The following ZNF462 variants were observed in gnomAD, a reference collection of about 807,000 sequenced individuals.
ZNF462 encodes the protein zinc finger protein 462.
Under a neutral mutation model 201.9 loss-of-function variants are expected in ZNF462, and 10 were observed. The observed-to-expected ratio is 0.05, with a 90% CI of 0.03 to 0.08. The LOEUF is 0.08. Ranked by LOEUF, ZNF462 falls within the 10% of genes least tolerant of loss-of-function variation. The pLI is 1.00. For missense variants in ZNF462, 2,523 were observed against 3,168.3 expected, an observed-to-expected ratio of 0.80 and a Z score of 4.89; for synonymous variants, 1,227 against 1,193.3, an observed-to-expected ratio of 1.03 and a Z score of -0.58.
At chr9:106,965,222 C>T (rs139974503) in intron 7 of ZNF462, among the ~76,000 whole-genome samples, 20 of 152,124 alleles carry the variant, frequency 1.3e-4, no homozygotes, top group African/African-American at 4.3e-4. Flanking sequence ...ATTAAGGATC[C>T]CCAAGGATGC....
Position 106,928,500 on chromosome 9 carries a change from G to A in ZNF462, c.4588G>A (p.Val1530Ile), listed in dbSNP as rs762506887. Residue 1530 changes from valine to isoleucine, a missense_variant, in exon 3 of 13, where the codon GTA becomes ATA. Val to Ile is a conservative substitution (Grantham distance 29). Around this residue, in one of 15 missense-constraint regions of ZNF462, gnomAD observed 200 missense variants for 281.3 expected, o/e 0.71. Coordinates refer to ENST00000277225, the MANE Select transcript of ZNF462 (RefSeq NM_021224.6). The surrounding 1 kb of genome is among the most constrained non-coding windows in gnomAD (Gnocchi z 9.3). Reference protein sequence around the residue: ...CPYINTRIHGVLTHYQKRHPS... With the variant: ...CPYINTRIHGILTHYQKRHPS... Reference sequence around the variant, plus strand: ...ATACATCAACACCCGCATCCACGGCGTACTGACCCACTACCAGAAGCGACA... The same window carrying A: ...ATACATCAACACCCGCATCCACGGCATACTGACCCACTACCAGAAGCGACA... 1 of 1,614,022 alleles carries A rather than the reference G, an allele frequency of 6.2e-7. No individual in the cohort carries two copies. Among genetic ancestry groups the A allele is most frequent in the Non-Finnish European group, 8.5e-7 (1 of 1,180,022 alleles).
chr9:106,927,415 G>A lies in ZNF462; in HGVS notation c.3503G>A (p.Arg1168Gln), dbSNP rs148363677. The change falls in exon 3 of 13, where the codon CGG becomes CAG. Residue 1168 changes from arginine to glutamine, a missense_variant. Around this residue, in one of 15 missense-constraint regions of ZNF462, gnomAD observed 222 missense variants for 271.6 expected, o/e 0.82. Transcript: ENST00000277225. ...GTCGAAGGGCCCCAAGGCTCCCCCC[G>A]GCCACCCGCCCCCATACAACAGCTG... ...RGVEGPQGSPRPPAPIQQLNR... is the reference protein window; with the variant it reads ...RGVEGPQGSPQPPAPIQQLNR... 1.1e-4 allele frequency: 154 copies of A among 1,354,836 alleles called. No homozygotes were observed. The African/African-American group carries it at 1.5e-3, about 13-fold the overall frequency. The allele number at this position is 1,354,836 out of a possible 1,614,324, so 83.9% of individuals were successfully genotyped here. A position where few individuals can be genotyped will look rare whatever the true frequency, so the allele number is the denominator to read the frequency against.
At position 106,885,107 on chromosome 9, in the gene ZNF462, T is replaced by C. The variant is rs2130979687; in HGVS notation, c.-31+21752T>C. Among the ~76,000 whole-genome samples the C allele has an allele frequency of 6.6e-6, 1 of 152,328 alleles. No individual in the cohort carries two copies. The highest frequency in any genetic ancestry group is 3.4e-3 in the Middle Eastern group (1 of 294). On this transcript the variant is annotated intron_variant, in intron 1 of 12. Transcript: ENST00000277225. The surrounding 1 kb of genome is among the most constrained non-coding windows in gnomAD (Gnocchi z 4.1). The stretch of plus-strand genomic sequence containing the variant: ...CTCAATAAAAAGGAAAATGGCCCTG[T>C]TGCAAAATTTGGCAGGTCAGACACT...
chr9:106,885,063 G>C lies in ZNF462; in HGVS notation c.-31+21708G>C, dbSNP rs1828261072. Among the ~76,000 whole-genome samples, 1 of 152,194 alleles carries C rather than the reference G, an allele frequency of 6.6e-6. No individual in the cohort carries two copies. Among genetic ancestry groups the C allele is most frequent in the South Asian group, 2.1e-4 (1 of 4,828 alleles). On this transcript the variant is annotated intron_variant, in intron 1 of 12. Coordinates refer to ENST00000277225, the MANE Select transcript of ZNF462 (RefSeq NM_021224.6). The surrounding 1 kb of genome is among the most constrained non-coding windows in gnomAD (Gnocchi z 4.1). ...GTATGTGTTCAACATAACCTTTCTA[G>C]AGAGATTTCTGCTTTAATCTCAATA...
chr9:106,875,563 T>C (rs59644801), intron 1 of ZNF462, among the ~76,000 whole-genome samples: 4,099 of 152,320 alleles, frequency 0.027, 185 homozygotes, highest in African/African-American at 0.092. Flanking sequence ...TAACTTTATA[T>C]CACCCCTTCC....
intron 1 of ZNF462, among the ~76,000 whole-genome samples, chr9:106,910,355 T>TTA (rs1322638519): frequency 3.4e-5 from 5 of 148,274 alleles, no homozygotes; most frequent in African/African-American, 1.3e-4. Context: ...CTCCACCCCT[T>TTA]GTTTTAGTTT....
intron 1 of ZNF462, among the ~76,000 whole-genome samples, chr9:106,912,988 G>T (rs984377133): frequency 2.6e-5 from 4 of 152,194 alleles, no homozygotes; most frequent in Non-Finnish European, 5.9e-5. Flanking sequence ...AATAAAAAAG[G>T]CTTTGTGGAG....
intron 1 of ZNF462, among the ~76,000 whole-genome samples, chr9:106,916,432 C>G (rs1456357086): frequency 6.6e-6 from 1 of 152,222 alleles, no homozygotes; most frequent in Non-Finnish European, 1.5e-5. Flanking sequence ...ATATCTGCAA[C>G]TTCCCTTTAA....
At position 106,963,804 on chromosome 9, in the gene ZNF462, AC is replaced by A. The variant is rs1468212715; in HGVS notation, c.6428-8200del. Among the ~76,000 whole-genome samples, 1 of 151,986 alleles carries A rather than the reference AC, an allele frequency of 6.6e-6. No individual in the cohort carries two copies. The highest frequency in any genetic ancestry group is 6.6e-5 in the Admixed American group (1 of 15,240). ...GATCTCTAGAACTCTTTCATCTTAC[AC>A]GACTGAAACTCTATATCCATAGAAC... is the stretch of plus-strand genomic sequence containing the variant. On this transcript the variant is annotated intron_variant, in intron 7 of 12. Coordinates refer to ENST00000277225, the MANE Select transcript of ZNF462 (RefSeq NM_021224.6). This position sits in a 1 kb window ranked among gnomAD's most constrained non-coding sequence, Gnocchi z 4.7.
chr9:106,969,399 G>T (rs563113923), intron 7 of ZNF462, among the ~76,000 whole-genome samples: 1 of 152,130 alleles, frequency 6.6e-6, no homozygotes, highest in Non-Finnish European at 1.5e-5. Flanking sequence ...TATAGAATTT[G>T]TTTTTTGAGA....
intron 1 of ZNF462, among the ~76,000 whole-genome samples, chr9:106,911,299 G>A (rs556313184): frequency 2.4e-4 from 37 of 152,266 alleles, no homozygotes; most frequent in South Asian, 1.0e-3. Flanking sequence ...GCTCTTCAAG[G>A]ACTGTGTAGC....
chr9:106,866,136 C>G (rs920125366), intron 1 of ZNF462, among the ~76,000 whole-genome samples: 1 of 152,124 alleles, frequency 6.6e-6, no homozygotes, highest in Non-Finnish European at 1.5e-5. Flanking sequence ...ACCTTGCTTT[C>G]AACTAAGAAG....
chr9:107,002,568 G>C (rs1394479808), intron 10 of ZNF462, among the ~76,000 whole-genome samples: 2 of 150,364 alleles, frequency 1.3e-5, no homozygotes, highest in African/African-American at 4.9e-5. Context: ...ATGATACTTT[G>C]AAGAAAGCTT....
rs4743042 is a variant in ZNF462 at position 106,991,000 on chromosome 9, G to A, written c.7056+6591G>A. Among the ~76,000 whole-genome samples the A allele has an allele frequency of 2.6e-5, 4 of 151,854 alleles. No individual in the cohort carries two copies. In the South Asian group the frequency reaches 8.3e-4, roughly 32 times the overall value. The stretch of plus-strand genomic sequence containing the variant: ...TCAGGGTTCATGAGAGAGGAATAGG[G>A]GTATCAGTGTACAATGTACTGAACA... On this transcript the variant is annotated intron_variant, in intron 10 of 12. Transcript: ENST00000277225.
At chr9:106,888,840 T>G (rs1828444701) in intron 1 of ZNF462, among the ~76,000 whole-genome samples, 1 of 152,240 alleles carries the variant, frequency 6.6e-6, no homozygotes, top group South Asian at 2.1e-4. Flanking sequence ...TGCCACCATT[T>G]ATAGAATCAT....
At chr9:106,862,981 C>G (rs1827120295), upstream of ZNF462, 2 of 396,520 alleles carry the variant, frequency 5.0e-6, no homozygotes, top group Non-Finnish European at 8.9e-6. The surrounding 1 kb of genome is among the most constrained non-coding windows in gnomAD (Gnocchi z 4.2). Flanking sequence ...TTCTCTCTCC[C>G]CCTGGTTGCT....
At position 106,885,753 on chromosome 9, in the gene ZNF462, C is replaced by T. The variant is rs574205773; in HGVS notation, c.-31+22398C>T. 9.2e-5 allele frequency among the ~76,000 whole-genome samples: 14 copies of T among 152,298 alleles called. No individual in the cohort carries two copies. Among genetic ancestry groups the T allele is most frequent in the Non-Finnish European group, 1.8e-4 (12 of 68,016 alleles). On this transcript the variant is annotated intron_variant, in intron 1 of 12. Transcript: ENST00000277225. This position sits in a 1 kb window ranked among gnomAD's most constrained non-coding sequence, Gnocchi z 4.1. ...TGCAGAGCTCATGCTACCATCAAGA[C>T]TTTAGAACAAGGACAACTTGAAGTG...
chr9:106,861,308 C>A (rs1429920272), upstream of ZNF462, among the ~76,000 whole-genome samples: 1 of 152,078 alleles, frequency 6.6e-6, no homozygotes, highest in Non-Finnish European at 1.5e-5. Flanking sequence ...GAACCAACTC[C>A]GCGCGCGTCT....
At chr9:106,909,520 T>G (rs1829452612) in intron 1 of ZNF462, among the ~76,000 whole-genome samples, 1 of 152,204 alleles carries the variant, frequency 6.6e-6, no homozygotes, top group Admixed American at 6.5e-5. Flanking sequence ...TGGTTGTATT[T>G]TGAAGAAAAG....
Sources: allele counts gnomAD v4.1 joint callset (sites outside exome capture counted in the v4.1 genomes callset), GRCh38; gene constraint gnomAD v4.1.1; regional missense constraint gnomAD v4.1.1; non-coding constraint Gnocchi (gnomAD v3.1); transcripts MANE v1.5; gene names NCBI Gene and HGNC (gene_info 2026-07-23, HGNC 2026-07-21).